The following AUTS2 variants were observed in gnomAD, a reference collection of about 807,000 sequenced individuals.
AUTS2 encodes the protein autism susceptibility gene 2 protein.
Under a neutral mutation model 112.4 loss-of-function variants are expected in AUTS2, and 17 were observed. The ratio of observed to expected loss-of-function variants is 0.15; its 90% CI spans 0.10 to 0.23. AUTS2 has a LOEUF of 0.23. Among genes scored for constraint, AUTS2 ranks in the 10% least tolerant of loss-of-function variants. The probability of loss-of-function intolerance (pLI) is 1.00; values close to 1 mark genes in which losing one functional copy is unlikely to be tolerated. For missense variants in AUTS2, 1,510 were observed against 1,701.6 expected, an observed-to-expected ratio of 0.89 and a Z score of 1.98; for synonymous variants, 751 against 702.7, an observed-to-expected ratio of 1.07 and a Z score of -1.09.
At chr7:70,502,835 A>G (rs748103838) in intron 5 of AUTS2, among the ~76,000 whole-genome samples, 34 of 152,212 alleles carry the variant, frequency 2.2e-4, no homozygotes, top group Non-Finnish European at 4.3e-4. Context: ...TTTACAGGTG[A>G]AGACTTCAGG....
chr7:70,579,203 G>T (rs1802314636), intron 5 of AUTS2, among the ~76,000 whole-genome samples: 1 of 124,978 alleles, frequency 8.0e-6, no homozygotes, highest in African/African-American at 3.0e-5. Flanking sequence ...TGTTGAGGTT[G>T]CAGGCATGAG....
chr7:70,069,722 C>A (rs200856207), intron 2 of AUTS2, among the ~76,000 whole-genome samples: 1 of 103,636 alleles, frequency 9.6e-6, no homozygotes, highest in Non-Finnish European at 2.0e-5. Flanking sequence ...TTTTTTTTTT[C>A]CTGTCCAGAG....
At chr7:69,730,155 T>TG (rs1393708320) in intron 1 of AUTS2, among the ~76,000 whole-genome samples, 4 of 151,872 alleles carry the variant, frequency 2.6e-5, no homozygotes, top group African/African-American at 9.7e-5. Context: ...TGTAACTCTT[T>TG]GTGATATTTG....
intron 4 of AUTS2, among the ~76,000 whole-genome samples, chr7:70,374,654 A>C (rs1043056414): frequency 1.3e-5 from 2 of 152,244 alleles, no homozygotes; most frequent in Non-Finnish European, 2.9e-5. Context: ...TTCAACTGGC[A>C]TATTTTCCTT....
At chr7:70,446,933 CT>C (rs1448320364) in intron 5 of AUTS2, among the ~76,000 whole-genome samples, 8 of 152,180 alleles carry the variant, frequency 5.3e-5, no homozygotes, top group Non-Finnish European at 1.2e-4. Flanking sequence ...GACTAGCTGC[CT>C]TGTGTACATA....
intron 4 of AUTS2, among the ~76,000 whole-genome samples, chr7:70,380,535 A>G (rs1405519128): frequency 1.3e-5 from 2 of 152,224 alleles, no homozygotes; most frequent in Non-Finnish European, 2.9e-5. Context: ...CTCCCAGTCC[A>G]CAGCCTGGGC....
intron 1 of AUTS2, among the ~76,000 whole-genome samples, chr7:69,814,991 A>C: frequency 6.6e-6 from 1 of 152,242 alleles, no homozygotes; most frequent in Non-Finnish European, 1.5e-5. Context: ...ATTATTTTTC[A>C]GTTAAAATTT....
At chr7:70,464,756 T>C (rs534587821) in intron 5 of AUTS2, among the ~76,000 whole-genome samples, 16 of 152,330 alleles carry the variant, frequency 1.1e-4, no homozygotes, top group African/African-American at 3.4e-4. Flanking sequence ...TTAACTGGAA[T>C]ATGAGGTTGG....
chr7:69,624,572 T>C (rs940750142), intron 1 of AUTS2, among the ~76,000 whole-genome samples: 4 of 152,212 alleles, frequency 2.6e-5, no homozygotes, highest in Non-Finnish European at 5.9e-5. Flanking sequence ...ACTTAAGCTG[T>C]GTGCAAGTGG....
At chr7:69,888,540 G>GATAGATAT (rs1468555842) in intron 1 of AUTS2, among the ~76,000 whole-genome samples, 2 of 99,232 alleles carry the variant, frequency 2.0e-5, no homozygotes, top group South Asian at 3.7e-4. Context: ...CAACATTGGG[G>GATAGATAT]ATATATATAT....
At chr7:70,375,874 T>A (rs1228624497) in intron 4 of AUTS2, among the ~76,000 whole-genome samples, 2 of 152,132 alleles carry the variant, frequency 1.3e-5, no homozygotes, top group African/African-American at 4.8e-5. Context: ...TAAAACTTAT[T>A]CCTAAATACC....
intron 4 of AUTS2, among the ~76,000 whole-genome samples, chr7:70,231,911 G>C (rs981964079): frequency 2.0e-5 from 3 of 151,698 alleles, no homozygotes. Flanking sequence ...GTAGCTGGGA[G>C]TACAAGCATG....
At chr7:69,818,997 T>A (rs149045210) in intron 1 of AUTS2, among the ~76,000 whole-genome samples, 1 of 152,346 alleles carries the variant, frequency 6.6e-6, no homozygotes, top group Non-Finnish European at 1.5e-5. Flanking sequence ...ACCTTTGTTT[T>A]CTTTGGAACA....
chr7:70,706,208 G>T (rs758678992), intron 6 of AUTS2, among the ~76,000 whole-genome samples: 1 of 152,170 alleles, frequency 6.6e-6, no homozygotes, highest in Non-Finnish European at 1.5e-5. Context: ...CCAATCAGCC[G>T]CAGGTTTCTT....
intron 5 of AUTS2, chr7:70,436,923 T>C (rs1795916888): frequency 1.3e-5 from 2 of 152,222 alleles, no homozygotes; most frequent in African/African-American, 4.8e-5. Context: ...GCTTATTTGA[T>C]TTCCTTAAAA....
chr7:69,787,189 A>G (rs1789415322), intron 1 of AUTS2, among the ~76,000 whole-genome samples: 3 of 152,226 alleles, frequency 2.0e-5, no homozygotes, highest in Non-Finnish European at 4.4e-5. Flanking sequence ...TTGTTCTAAA[A>G]TCAGAGGAGG....
At chr7:69,717,181 C>G (rs994422887) in intron 1 of AUTS2, among the ~76,000 whole-genome samples, 1 of 152,158 alleles carries the variant, frequency 6.6e-6, no homozygotes, top group African/African-American at 2.4e-5. Flanking sequence ...TTCAGGCTTA[C>G]ATCAAAATGG....
At chr7:70,140,187 A>G (rs1584780919) in intron 4 of AUTS2, among the ~76,000 whole-genome samples, 1 of 152,122 alleles carries the variant, frequency 6.6e-6, no homozygotes, top group South Asian at 2.1e-4. Flanking sequence ...TCAGGTTTGG[A>G]TTTTGGCAAG....
At chr7:69,999,804 T>C (rs1343024600) in intron 2 of AUTS2, among the ~76,000 whole-genome samples, 1 of 152,118 alleles carries the variant, frequency 6.6e-6, no homozygotes, top group Non-Finnish European at 1.5e-5. Flanking sequence ...ATATGGTACT[T>C]TATATTTTAA....
Sources: gnomAD v4.1 joint callset for allele counts (sites outside exome capture counted in the v4.1 genomes callset) on GRCh38, gnomAD v4.1.1 for gene constraint, MANE v1.5 for transcripts, NCBI Gene and HGNC (gene_info 2026-07-23, HGNC 2026-07-21) for gene names.